Variants in LRMDA observed in about 807,000 individuals in gnomAD.
LRMDA encodes the protein leucine-rich melanocyte differentiation-associated protein.
LRMDA carries 18 observed loss-of-function variants against 29.8 expected under a neutral mutation model. The ratio of observed to expected loss-of-function variants is 0.60; its 90% CI spans 0.42 to 0.90. The LOEUF (loss-of-function observed/expected upper bound fraction) is 0.90, where lower values mean the gene tolerates loss of function less well. Among genes scored for constraint, LRMDA ranks in the 40% least tolerant of loss-of-function variants. The pLI is 0.00. For synonymous variants in LRMDA, 125 were observed against 109.4 expected (o/e 1.14, Z -0.89); for missense variants, 273 against 273.9 (o/e 1.00, Z 0.02).
intron 5 of LRMDA, among the ~76,000 whole-genome samples, chr10:76,218,223 A>G (rs1467781249): frequency 6.6e-6 from 1 of 152,198 alleles, no homozygotes; most frequent in Admixed American, 6.5e-5. Flanking sequence ...GTCCTTTTAC[A>G]CAGTGCTTGT....
intron 2 of LRMDA, among the ~76,000 whole-genome samples, chr10:75,702,370 C>T (rs2132170489): frequency 6.6e-6 from 1 of 152,290 alleles, no homozygotes; most frequent in Non-Finnish European, 1.5e-5. Context: ...ATTTGTACCC[C>T]TACAACTTAG....
chr10:75,448,724 G>C (rs1384100975), intron 2 of LRMDA, among the ~76,000 whole-genome samples: 1 of 152,202 alleles, frequency 6.6e-6, no homozygotes, highest in Non-Finnish European at 1.5e-5. Context: ...CTGGGGCCCT[G>C]TTGGAGATGG....
In LRMDA at chr10:76,263,282, A is replaced by T. The variant is rs540541112; in HGVS notation, c.517-61119A>T. ...GAACTTCTAACAAACTTTTTTTTTT[A>T]AAAAAAGATCATCTGTTTATCTCAT... On this transcript the variant is annotated intron_variant, in intron 5 of 6. Coordinates refer to ENST00000611255, the MANE Select transcript of LRMDA (RefSeq NM_001305581.2). Among the ~76,000 whole-genome samples, 101 of 131,994 alleles carry T rather than the reference A, an allele frequency of 7.7e-4. No homozygotes were observed. The East Asian group carries it at 0.014, about 18-fold the overall frequency. 86.6% of individuals were successfully genotyped at this position (131,994 alleles called of 152,430 possible). A position where few individuals can be genotyped will look rare whatever the true frequency, so the allele number is the denominator to read the frequency against.
chr10:75,540,985 T>TA (rs35536016), intron 2 of LRMDA, among the ~76,000 whole-genome samples: 2 of 151,114 alleles, frequency 1.3e-5, no homozygotes, highest in African/African-American at 4.9e-5. Context: ...GTTTTTTTTT[T>TA]AAAAAGGAAA....
chr10:75,973,435 T>G (rs1225900978), intron 2 of LRMDA, among the ~76,000 whole-genome samples: 33 of 151,446 alleles, frequency 2.2e-4, no homozygotes, highest in East Asian at 5.8e-4. Flanking sequence ...TTTTTTTTTT[T>G]GGGACGGAGT....
chr10:75,615,531 T>G (rs1014024188), intron 2 of LRMDA, among the ~76,000 whole-genome samples: 4 of 152,172 alleles, frequency 2.6e-5, no homozygotes, highest in Non-Finnish European at 5.9e-5. Flanking sequence ...ATGAAAAGTC[T>G]GTATGACAGC....
chr10:76,009,544 C>T (rs901527392), intron 2 of LRMDA, among the ~76,000 whole-genome samples: 14 of 152,138 alleles, frequency 9.2e-5, no homozygotes, highest in Non-Finnish European at 1.5e-4. Context: ...GCCAGGAGCT[C>T]GCAACCTTGC....
At chr10:76,408,900 C>T (rs1036986904) in intron 6 of LRMDA, among the ~76,000 whole-genome samples, 13 of 152,248 alleles carry the variant, frequency 8.5e-5, no homozygotes, top group South Asian at 8.3e-4. Context: ...CAGATGGCTT[C>T]GGAACCCTGG....
intron 2 of LRMDA, among the ~76,000 whole-genome samples, chr10:75,619,512 G>A (rs1841152485): frequency 6.6e-6 from 1 of 152,168 alleles, no homozygotes; most frequent in African/African-American, 2.4e-5. Flanking sequence ...CATGCTCTAG[G>A]GTGAAGGGCA....
intron 2 of LRMDA, among the ~76,000 whole-genome samples, chr10:75,495,393 G>A (rs1461794321): frequency 4.0e-5 from 6 of 150,462 alleles, no homozygotes; most frequent in Non-Finnish European, 8.8e-5. Context: ...TGCTTTTATC[G>A]ATATTAAGAT....
At chr10:76,296,659 A>C (rs1840415571) in intron 5 of LRMDA, among the ~76,000 whole-genome samples, 1 of 152,230 alleles carries the variant, frequency 6.6e-6, no homozygotes, top group Non-Finnish European at 1.5e-5. Context: ...AGTATATTGG[A>C]CCAAGGAGTG....
intron 6 of LRMDA, among the ~76,000 whole-genome samples, chr10:76,332,789 A>G (rs187671517): frequency 1.2e-3 from 180 of 152,310 alleles, no homozygotes; most frequent in African/African-American, 4.3e-3. Flanking sequence ...AATCTCCCCA[A>G]CATGTCTTCA....
intron 2 of LRMDA, among the ~76,000 whole-genome samples, chr10:75,996,466 A>AGAG (rs1185173377): frequency 6.6e-6 from 1 of 152,184 alleles, no homozygotes; most frequent in Non-Finnish European, 1.5e-5. Flanking sequence ...TTCTAACTGG[A>AGAG]GAGTTTGAAG....
intron 6 of LRMDA, among the ~76,000 whole-genome samples, chr10:76,333,849 G>A (rs553974347): frequency 3.3e-5 from 5 of 152,310 alleles, no homozygotes; most frequent in African/African-American, 1.2e-4. Flanking sequence ...ACCGAATACT[G>A]ATTATATTTC....
chr10:76,254,064 A>G (rs1022286998), intron 5 of LRMDA, among the ~76,000 whole-genome samples: 1 of 152,048 alleles, frequency 6.6e-6, no homozygotes, highest in Non-Finnish European at 1.5e-5. Context: ...TCCTTTGAGC[A>G]TGGTTTTCAT....
intron 2 of LRMDA, among the ~76,000 whole-genome samples, chr10:75,554,809 TGAG>T (rs1014693191): frequency 5.9e-5 from 9 of 152,190 alleles, no homozygotes; most frequent in Admixed American, 5.2e-4. Flanking sequence ...ATCTGTAAAA[TGAG>T]GATGATAATA....
intron 6 of LRMDA, among the ~76,000 whole-genome samples, chr10:76,386,059 G>A (rs999684062): frequency 6.6e-6 from 1 of 152,120 alleles, no homozygotes; most frequent in Non-Finnish European, 1.5e-5. Context: ...CTAAAAGGGA[G>A]AAATTCTTTC....
At chr10:76,000,342 G>A (rs1847540802) in intron 2 of LRMDA, among the ~76,000 whole-genome samples, 1 of 152,170 alleles carries the variant, frequency 6.6e-6, no homozygotes, top group South Asian at 2.1e-4. Context: ...TCCTACTGCG[G>A]TGTCTCCTGG....
intron 5 of LRMDA, among the ~76,000 whole-genome samples, chr10:76,217,872 TC>T (rs1851758031): frequency 6.6e-6 from 1 of 152,154 alleles, no homozygotes; most frequent in South Asian, 2.1e-4. Context: ...TGTCTAGAGT[TC>T]TTAGGGAGTC....
Sources: gnomAD v4.1 joint callset for allele counts (sites outside exome capture counted in the v4.1 genomes callset) on GRCh38, gnomAD v4.1.1 for gene constraint, MANE v1.5 for transcripts, NCBI Gene and HGNC (gene_info 2026-07-23, HGNC 2026-07-21) for gene names.